ADAMTSL3: variants seen among roughly 807,000 people sequenced by gnomAD.
ADAMTSL3 encodes ADAMTS-like protein 3.
In ADAMTSL3, 128 loss-of-function variants were observed where a neutral mutation model predicts 201.7. That is an observed-to-expected ratio of 0.63 (90% confidence interval 0.55 to 0.73). ADAMTSL3 has a LOEUF of 0.73. ADAMTSL3 is among the 30% of genes least tolerant of loss of function. The pLI, the probability that ADAMTSL3 is intolerant of heterozygous loss-of-function variation, is 0.00. For synonymous variants in ADAMTSL3, 738 were observed against 748.4 expected (o/e 0.99, Z 0.23); for missense variants, 1,990 against 2,119.6 (o/e 0.94, Z 1.20).
At chr15:83,863,710 G>A (rs1309195251) in intron 8 of ADAMTSL3, among the ~76,000 whole-genome samples, 3 of 152,026 alleles carry the variant, frequency 2.0e-5, no homozygotes, top group Non-Finnish European at 4.4e-5. Context: ...AAGAACTAGA[G>A]AAGCAAGAGC....
chr15:83,814,454 G>C (rs763026596), intron 5 of ADAMTSL3, among the ~76,000 whole-genome samples: 3 of 152,068 alleles, frequency 2.0e-5, no homozygotes, highest in Non-Finnish European at 4.4e-5. Context: ...TCTGGACAAG[G>C]CTGCACACTG....
At chr15:83,891,708 G>C (rs564648508) in intron 12 of ADAMTSL3, among the ~76,000 whole-genome samples, 1 of 152,206 alleles carries the variant, frequency 6.6e-6, no homozygotes, top group East Asian at 1.9e-4. Flanking sequence ...TCCTGACTCT[G>C]AGGTTCTGTG....
chr15:83,764,729 T>C (rs1198630702), intron 3 of ADAMTSL3, among the ~76,000 whole-genome samples: 1 of 152,088 alleles, frequency 6.6e-6, no homozygotes, highest in African/African-American at 2.4e-5. Flanking sequence ...GCACCAGGCT[T>C]CATGGTTTCC....
intron 6 of ADAMTSL3, among the ~76,000 whole-genome samples, chr15:83,827,773 G>A (rs2064058510): frequency 6.6e-6 from 1 of 152,088 alleles, no homozygotes; most frequent in African/African-American, 2.4e-5. Flanking sequence ...ATTAAATAGA[G>A]AATCCTTTCC....
intron 2 of ADAMTSL3, among the ~76,000 whole-genome samples, chr15:83,658,287 T>G (rs905755254): frequency 6.6e-6 from 1 of 152,150 alleles, no homozygotes; most frequent in Non-Finnish European, 1.5e-5. Flanking sequence ...TTTTGTATTA[T>G]CGGTAGAGAT....
chr15:83,837,492 A>AT (rs1209760902), intron 6 of ADAMTSL3, among the ~76,000 whole-genome samples: 1 of 152,108 alleles, frequency 6.6e-6, no homozygotes, highest in Non-Finnish European at 1.5e-5. Context: ...ATATATAAAA[A>AT]TGCCTGGGCT....
At chr15:83,801,758 C>T (rs1002124379) in intron 4 of ADAMTSL3, among the ~76,000 whole-genome samples, 14 of 137,508 alleles carry the variant, frequency 1.0e-4, no homozygotes, top group African/African-American at 3.5e-4. Flanking sequence ...AGAGGGAGCT[C>T]CAGCCTCAGA....
At chr15:83,823,893 CTCTTCTTCTTCTTCTTCTTCT>C (rs759090787) in intron 6 of ADAMTSL3, among the ~76,000 whole-genome samples, 3,678 of 93,060 alleles carry the variant, frequency 0.04, 166 homozygotes, top group Non-Finnish European at 0.044. Context: ...CTTCTTCTTC[CTCTTCTTCTTCTTCTTCTTCT>C]TCTTCTTCTT....
chr15:83,891,439 A>G, intron 12 of ADAMTSL3, 60 bp downstream of exon 12: 7 of 1,383,374 alleles, frequency 5.1e-6, no homozygotes, highest in Non-Finnish European at 7.2e-6. Flanking sequence ...GAACTGTAGC[A>G]TCTGTAGCAA....
intron 5 of ADAMTSL3, among the ~76,000 whole-genome samples, chr15:83,814,698 G>T (rs1223385166): frequency 6.6e-6 from 1 of 152,120 alleles, no homozygotes; most frequent in Non-Finnish European, 1.5e-5. Flanking sequence ...GTACAACTTG[G>T]ATATGAAGTT....
At chr15:83,870,033 TTTAAA>T (rs2065053108) in intron 8 of ADAMTSL3, among the ~76,000 whole-genome samples, 1 of 152,200 alleles carries the variant, frequency 6.6e-6, no homozygotes, top group African/African-American at 2.4e-5. Flanking sequence ...AAGACAGAAA[TTTAAA>T]TAAAGTACAA....
intron 19 of ADAMTSL3, among the ~76,000 whole-genome samples, chr15:83,957,847 C>A (rs2066889967): frequency 6.6e-6 from 1 of 151,996 alleles, no homozygotes; most frequent in Non-Finnish European, 1.5e-5. Context: ...TAGTTGAAAC[C>A]ATGGAAGATG....
In ADAMTSL3 at chr15:83,792,277, A is replaced by T. The variant is rs189612842; in HGVS notation, c.318-12373A>T. Among the ~76,000 whole-genome samples the T allele has an allele frequency of 1.8e-4, 27 of 152,272 alleles. No individual in the cohort carries two copies. In the East Asian group the frequency reaches 4.8e-3, roughly 27 times the overall value. Reference sequence around the variant, plus strand: ...GTATTTAAGTGATGTAAGCCAAAAGATATATGAACAAATGCTCAACATCAG... The same window carrying T: ...GTATTTAAGTGATGTAAGCCAAAAGTTATATGAACAAATGCTCAACATCAG... On this transcript the variant is annotated intron_variant, in intron 4 of 29. Transcript: ENST00000286744.
chr15:83,911,775 G>A (rs1376010939), intron 15 of ADAMTSL3, among the ~76,000 whole-genome samples: 1 of 152,164 alleles, frequency 6.6e-6, no homozygotes, highest in Non-Finnish European at 1.5e-5. Context: ...ATGACTCTGT[G>A]AGAACCTTAC....
chr15:83,704,123 T>C (rs1031523421), intron 2 of ADAMTSL3, among the ~76,000 whole-genome samples: 1 of 151,324 alleles, frequency 6.6e-6, no homozygotes, highest in African/African-American at 2.4e-5. Context: ...GGAGCAGAGG[T>C]AGCGGGGAGG....
chr15:84,002,105 A>AT (rs761997070), intron 23 of ADAMTSL3, among the ~76,000 whole-genome samples: 32 of 152,248 alleles, frequency 2.1e-4, no homozygotes, highest in Non-Finnish European at 3.2e-4. Flanking sequence ...TTTTCTTTGC[A>AT]TTTTTTATCA....
At chr15:83,663,011 C>T (rs936126481) in intron 2 of ADAMTSL3, among the ~76,000 whole-genome samples, 3 of 152,082 alleles carry the variant, frequency 2.0e-5, no homozygotes, top group Admixed American at 6.5e-5. Flanking sequence ...CACTTGCTGC[C>T]GGGGTCTTCT....
chr15:83,728,314 A>C (rs1394140678), intron 3 of ADAMTSL3, among the ~76,000 whole-genome samples: 2 of 146,836 alleles, frequency 1.4e-5, no homozygotes, highest in Admixed American at 1.4e-4. Flanking sequence ...TCATTTAGCC[A>C]CTCTATGTCT....
chr15:84,019,690 G>A (rs757188057), intron 25 of ADAMTSL3, among the ~76,000 whole-genome samples: 11 of 151,906 alleles, frequency 7.2e-5, no homozygotes, highest in Non-Finnish European at 1.3e-4. Context: ...TCAGGGGTTC[G>A]AGACCAGCCT....
Sources: gnomAD v4.1 joint callset for allele counts (sites outside exome capture counted in the v4.1 genomes callset) on GRCh38, gnomAD v4.1.1 for gene constraint, MANE v1.5 for transcripts, NCBI Gene and HGNC (gene_info 2026-07-23, HGNC 2026-07-21) for gene names.